HNRNPAB: variants seen among roughly 807,000 people sequenced by gnomAD.
The protein encoded by HNRNPAB is heterogeneous nuclear ribonucleoprotein A/B.
Under a neutral mutation model 44.1 loss-of-function variants are expected in HNRNPAB, and 17 were observed. The ratio of observed to expected loss-of-function variants is 0.39; its 90% confidence interval spans 0.26 to 0.58. The LOEUF (loss-of-function observed/expected upper bound fraction) is 0.58, where lower values mean the gene tolerates loss of function less well. HNRNPAB is among the 20% of genes least tolerant of loss of function. HNRNPAB has a pLI of 0.63. For missense variants in HNRNPAB, 393 were observed against 432.7 expected (o/e 0.91, Z 0.81); for synonymous variants, 183 against 167.6 (o/e 1.09, Z -0.71).
intron 2 of HNRNPAB, 44 bp from the exon 3 acceptor site, chr5:178,205,798 T>C (rs1271806361): frequency 6.3e-7 from 1 of 1,588,326 alleles, no homozygotes; most frequent in Admixed American, 1.7e-5. Flanking sequence ...AATCACAGCT[T>C]GCTTACAAGA....
chr5:178,207,207 T>C lies in HNRNPAB; in HGVS notation c.651T>C (p.His217=), dbSNP rs773549241. The change falls in exon 5 of 8, where the codon CAT becomes CAC. Residue 217 remains histidine, a synonymous_variant. Coordinates refer to ENST00000358344, the MANE Select transcript of HNRNPAB (RefSeq NM_031266.3). ...PVKKVLEKKF[H]TVSGSKCEIK... ...AGAAGGTTCTGGAGAAAAAGTTCCA[T>C]ACTGTCAGTGGAAGCAAGGTAAGGT... 4.3e-6 allele frequency: 7 copies of C among 1,614,088 alleles called. No individual in the cohort carries two copies. The South Asian group carries it at 7.7e-5, about 18-fold the overall frequency.
In HNRNPAB at chr5:178,206,822, TTCG is replaced by T; in HGVS notation, c.471_473del (p.Val158del). 1 of 1,614,140 alleles carries T rather than the reference TTCG, an allele frequency of 6.2e-7. No homozygotes were observed. The highest frequency in any genetic ancestry group is 8.5e-7 in the Non-Finnish European group (1 of 1,180,026). ...GAAGAAGGACCCGGTGAAGAAAATCTTCGTTGGGGGTCTGAATCCTGAAGCCAC... is the reference window on the plus strand; with the variant it reads ...GAAGAAGGACCCGGTGAAGAAAATCTTTGGGGGTCTGAATCCTGAAGCCAC... On this transcript the variant is annotated inframe_deletion, in exon 4 of 8. Transcript: ENST00000358344.
chr5:178,207,144 T>C lies in HNRNPAB; in HGVS notation c.588T>C (p.Gly196=). ...PMDPKLNKRR[G]FVFITFKEEE... is the part of the protein sequence containing the mutation. ...ATCCAAAGTTGAACAAAAGACGAGGTTTTGTGTTTATCACCTTTAAAGAAG... is the reference window on the plus strand; with the variant it reads ...ATCCAAAGTTGAACAAAAGACGAGGCTTTGTGTTTATCACCTTTAAAGAAG... Residue 196 remains glycine (G), a synonymous_variant, in exon 5 of 8, where the codon GGT becomes GGC. Coordinates refer to ENST00000358344, the MANE Select transcript of HNRNPAB (RefSeq NM_031266.3). 1 of 1,614,026 alleles carries C rather than the reference T, an allele frequency of 6.2e-7. No homozygotes were observed. Among genetic ancestry groups the C allele is most frequent in the Non-Finnish European group, 8.5e-7 (1 of 1,180,000 alleles).
Position 178,205,001 on chromosome 5 carries a change from C to G in HNRNPAB, c.164C>G (p.Ala55Gly). ...AAPPSGNQNG[A>G]EGDQINASKN... Reference sequence around the variant, plus strand: ...CCCCCGAGCGGGAATCAGAACGGCGCCGAGGGCGACCAGATCAACGCCAGC... The same window carrying G: ...CCCCCGAGCGGGAATCAGAACGGCGGCGAGGGCGACCAGATCAACGCCAGC... The change falls in exon 2 of 8, where the codon GCC becomes GGC. Residue 55 changes from alanine (A) to glycine (G), a missense_variant. By Grantham distance (60) the Ala-to-Gly change is moderately conservative. Coordinates refer to ENST00000358344, the MANE Select transcript of HNRNPAB (RefSeq NM_031266.3). 1 of 1,209,312 alleles carries G rather than the reference C, an allele frequency of 8.3e-7. No homozygotes were observed. 74.9% of individuals were successfully genotyped at this position (1,209,312 alleles called of 1,614,324 possible). A position where few individuals can be genotyped will look rare whatever the true frequency, so the allele number is the denominator to read the frequency against.
At position 178,207,103 on chromosome 5, in the gene HNRNPAB, A is replaced by G. The variant is rs750746697; in HGVS notation, c.547A>G (p.Ile183Val). The G allele has an allele frequency of 6.2e-7, 1 of 1,614,144 alleles. No homozygotes were observed. The highest frequency in any genetic ancestry group is 1.1e-5 in the South Asian group (1 of 91,074). The change falls in exon 5 of 8, where the codon ATT (isoleucine) becomes GTT (valine). Residue 183 changes from isoleucine (I) to valine (V), a missense_variant. By Grantham distance (29) the Ile-to-Val change is conservative (BLOSUM62 3). Around this residue, in one of 3 missense-constraint regions of HNRNPAB, gnomAD observed 210 missense variants for 196.9 expected, o/e 1.07. Transcript: ENST00000358344. Reference protein sequence around the residue: ...YFGEFGEIEAIELPMDPKLNK... With the variant: ...YFGEFGEIEAVELPMDPKLNK... Reference sequence around the variant, plus strand: ...CCTATGCTTTTTGCAGATTGAGGCCATTGAATTGCCAATGGATCCAAAGTT... The same window carrying G: ...CCTATGCTTTTTGCAGATTGAGGCCGTTGAATTGCCAATGGATCCAAAGTT...
chr5:178,205,083 T>C, intron 2 of HNRNPAB, 37 bp downstream of exon 2: 7 of 1,185,384 alleles, frequency 5.9e-6, no homozygotes, highest in Non-Finnish European at 7.3e-6. Context: ...GCGCCGCCTT[T>C]GTTCCGGGGC....
Position 178,210,182 on chromosome 5 carries a change from T to C in HNRNPAB, c.838T>C (p.Tyr280His), listed in dbSNP as rs1757766759. Residue 280 changes from tyrosine (Y) to histidine (H), a missense_variant, in exon 7 of 8, where the codon TAC becomes CAC. This residue lies in a region of HNRNPAB where 210 missense variants were observed against 196.9 expected (regional missense o/e 1.07). Transcript: ENST00000358344. ...QGYGNYWNQG[Y>H]GYQQGYGPGY... ...CTACGGCAACTACTGGAACCAGGGCTACGGCTACCAGCAGGGCTACGGGCC... is the reference window on the plus strand; with the variant it reads ...CTACGGCAACTACTGGAACCAGGGCCACGGCTACCAGCAGGGCTACGGGCC... 6.2e-7 allele frequency: 1 copy of C among 1,613,580 alleles called. No individual in the cohort carries two copies. Among genetic ancestry groups the C allele is most frequent in the Admixed American group, 1.7e-5 (1 of 59,998 alleles).
intron 7 of HNRNPAB, 118 bp from the exon 8 acceptor site, chr5:178,210,435 T>G: frequency 1.3e-6 from 2 of 1,511,852 alleles, no homozygotes; most frequent in Non-Finnish European, 1.8e-6. Context: ...CTTAATAACA[T>G]GAGGAAGGCA....
chr5:178,209,426 G>A lies in HNRNPAB; in HGVS notation c.766G>A (p.Gly256Arg), dbSNP rs181173911. ...CCGCAACCGAGGGAACCGAGGCAGC[G>A]GAGGTGGTGGTGGAGGTGGAGGTGA... ...GNRNRGNRGS[G>R]GGGGGGGQSQ... is the part of the protein sequence containing the mutation. Residue 256 changes from glycine (G) to arginine (R), a missense_variant, in exon 6 of 8, where the codon GGA becomes AGA. By Grantham distance (125) the Gly-to-Arg change is moderately radical. Coordinates refer to ENST00000358344, the MANE Select transcript of HNRNPAB (RefSeq NM_031266.3). 34 of 1,614,088 alleles carry A rather than the reference G, an allele frequency of 2.1e-5. No individual in the cohort carries two copies. Among genetic ancestry groups the A allele is most frequent in the African/African-American group, 9.3e-5 (7 of 75,054 alleles).
chr5:178,204,986 G>A lies in HNRNPAB; in HGVS notation c.149G>A (p.Gly50Glu), dbSNP rs942231149. The A allele has an allele frequency of 1.2e-5, 14 of 1,209,632 alleles. No individual in the cohort carries two copies. In the African/African-American group the frequency reaches 1.7e-4, roughly 15 times the overall value. The allele number at this position is 1,209,632 out of a possible 1,614,324, so 74.9% of individuals were successfully genotyped here. A position where few individuals can be genotyped will look rare whatever the true frequency, so the allele number is the denominator to read the frequency against. ...AGGATAAPPS[G>E]NQNGAEGDQI... The stretch of plus-strand genomic sequence containing the variant: ...GGCGCGACCGCGGCGCCCCCGAGCG[G>A]GAATCAGAACGGCGCCGAGGGCGAC... The change falls in exon 2 of 8, where the codon GGG (glycine) becomes GAG (glutamate). Residue 50 changes from glycine (G) to glutamate (E), a missense_variant. Gly to Glu is a moderately conservative substitution (Grantham distance 98, BLOSUM62 -2). Coordinates refer to ENST00000358344, the MANE Select transcript of HNRNPAB (RefSeq NM_031266.3).
At chr5:178,205,780 C>T in intron 2 of HNRNPAB, 62 bp from the exon 3 acceptor site, 3 of 1,552,144 alleles carry the variant, frequency 1.9e-6, no homozygotes, top group Non-Finnish European at 2.6e-6. Flanking sequence ...AGGGCCAGTC[C>T]TTTCCAAAAT....
chr5:178,208,681 A>T (rs550940268), intron 5 of HNRNPAB: 1 of 152,384 alleles, frequency 6.6e-6, no homozygotes, highest in South Asian at 2.1e-4. Context: ...AGCACTTTAA[A>T]GTATCCCACC....
At chr5:178,206,420 C>T (rs955650832) in intron 3 of HNRNPAB, among the ~76,000 whole-genome samples, 1 of 152,106 alleles carries the variant, frequency 6.6e-6, no homozygotes, top group African/African-American at 2.4e-5. Flanking sequence ...GGATTCCTTC[C>T]CCTGTGGCCC....
intron 4 of HNRNPAB, 36 bp from the exon 5 acceptor site, chr5:178,207,058 A>C: frequency 6.2e-7 from 1 of 1,611,824 alleles, no homozygotes; most frequent in Non-Finnish European, 8.5e-7. Context: ...TGGGGTAGGG[A>C]GGTATTGGGC....
rs1581190940 is a variant in HNRNPAB, at chr5:178,210,716, TC to T, written c.*94del. ...GTACCAAATTTAACTTGGCAAACTT[TC>T]TATTGCCTGTCCCATGTGCATCTTA... On this transcript the variant is annotated 3_prime_UTR_variant, in exon 8 of 8. Transcript: ENST00000358344. 7 of 940,778 alleles carry T rather than the reference TC, an allele frequency of 7.4e-6. No individual in the cohort carries two copies. The South Asian group carries it at 9.3e-5, about 13-fold the overall frequency. 58.3% of individuals were successfully genotyped at this position (940,778 alleles called of 1,614,324 possible).
Position 178,206,720 on chromosome 5 carries a change from C to T in HNRNPAB, c.379-12C>T. 1 of 1,612,854 alleles carries T rather than the reference C, an allele frequency of 6.2e-7. No homozygotes were observed. The highest frequency in any genetic ancestry group is 8.5e-7 in the Non-Finnish European group (1 of 1,179,714). On this transcript the variant is annotated splice_polypyrimidine_tract_variant and intron_variant, in intron 3 of 7. Coordinates refer to ENST00000358344, the MANE Select transcript of HNRNPAB (RefSeq NM_031266.3). ...GCTGCTGAGTCAGCCTGACCCCTTT[C>T]TGTTGGAACAGGTCCTAGACCAGAA... is the stretch of plus-strand genomic sequence containing the variant.
chr5:178,206,083 C>T (rs2113537512), intron 3 of HNRNPAB, 73 bp downstream of exon 3: 1 of 1,412,972 alleles, frequency 7.1e-7, no homozygotes, highest in East Asian at 2.3e-5. Context: ...TTTCTTAAAG[C>T]ATGACTAGTT....
rs747127334 is a variant in HNRNPAB at position 178,210,230 on chromosome 5, T to A, written c.886T>A (p.Ser296Thr). 19 of 1,613,324 alleles carry A rather than the reference T, an allele frequency of 1.2e-5. No individual in the cohort carries two copies. The highest frequency in any genetic ancestry group is 3.3e-4 in the Middle Eastern group (2 of 6,078). The change falls in exon 7 of 8, where the codon TCG becomes ACG. Residue 296 changes from serine to threonine, a missense_variant. Ser to Thr is a moderately conservative substitution (Grantham distance 58). Around this residue, in one of 3 missense-constraint regions of HNRNPAB, gnomAD observed 210 missense variants for 196.9 expected, o/e 1.07. Transcript: ENST00000358344. ...YGPGYGGYDY[S>T]PYGYYGYGPG... ...GCCTGGCTATGGCGGCTACGACTAC[T>A]CGCCCTATGGCTATTACGGCTACGG...
chr5:178,210,164 AACTACTGGAACCAGGGCTACGGCT>A lies in HNRNPAB; in HGVS notation c.823_846del (p.Tyr275_Tyr282del), dbSNP rs753547394. The A allele has an allele frequency of 4.3e-6, 7 of 1,613,908 alleles. No homozygotes were observed. The highest frequency in any genetic ancestry group is 1.1e-5 in the South Asian group (1 of 91,072). ...TCAGAGTTGGAATCAGGGCTACGGC[AACTACTGGAACCAGGGCTACGGCT>A]ACCAGCAGGGCTACGGGCCTGGCTA... is the stretch of plus-strand genomic sequence containing the variant. On this transcript the variant is annotated inframe_deletion, in exon 7 of 8. Coordinates refer to ENST00000358344, the MANE Select transcript of HNRNPAB (RefSeq NM_031266.3).
Sources: gnomAD v4.1 joint callset for allele counts (sites outside exome capture counted in the v4.1 genomes callset) on GRCh38, gnomAD v4.1.1 for gene constraint, gnomAD v4.1.1 regional missense constraint, MANE v1.5 for transcripts, NCBI Gene and HGNC (gene_info 2026-07-23, HGNC 2026-07-21) for gene names.